PREX1: variants seen among roughly 807,000 people sequenced by gnomAD.
PREX1 encodes phosphatidylinositol-3,4,5-trisphosphate dependent Rac exchange factor 1.
A neutral mutation model predicts 198.3 loss-of-function variants in PREX1; 41 were observed. That is an observed-to-expected ratio of 0.21 (90% CI 0.16 to 0.27). The LOEUF is 0.27. Among genes scored for constraint, PREX1 ranks in the 10% least tolerant of loss-of-function variants. The pLI, the probability that PREX1 is intolerant of heterozygous loss-of-function variation, is 1.00. For synonymous variants in PREX1, 843 were observed against 887.2 expected, an observed-to-expected ratio of 0.95 and a Z score of 0.89; for missense variants, 1,620 against 2,200.7, an observed-to-expected ratio of 0.74 and a Z score of 5.28.
intron 1 of PREX1, among the ~76,000 whole-genome samples, chr20:48,783,256 AG>A (rs1169201745): frequency 1.3e-5 from 2 of 152,178 alleles, no homozygotes; most frequent in Admixed American, 1.3e-4. Flanking sequence ...GAGGCTTGGA[AG>A]GCAGAACAAT....
chr20:48,676,177 C>A lies in PREX1; in HGVS notation c.1665+16G>T, dbSNP rs1307661228. 1 of 1,611,080 alleles carries A rather than the reference C, an allele frequency of 6.2e-7. No homozygotes were observed. The highest frequency in any genetic ancestry group is 2.2e-5 in the East Asian group (1 of 44,866). ...AAAGCAGAACACTGGTCACACACCC[C>A]TGAGGAGGCCCTCACCTGAGCCAGC... On this transcript the variant is annotated intron_variant, in intron 14 of 39. Transcript: ENST00000371941.
intron 1 of PREX1, among the ~76,000 whole-genome samples, chr20:48,787,145 G>A (rs575802113): frequency 1.3e-5 from 2 of 152,262 alleles, no homozygotes; most frequent in Middle Eastern, 6.8e-3. Context: ...TCCTCACCAT[G>A]GTGACGGGCG....
intron 11 of PREX1, among the ~76,000 whole-genome samples, chr20:48,680,454 A>C (rs532369162): frequency 7.9e-5 from 12 of 152,228 alleles, no homozygotes; most frequent in African/African-American, 2.9e-4. Flanking sequence ...ACTCAGAGTA[A>C]AAGCCAAAGA....
In PREX1 at chr20:48,625,692, A is replaced by G; in HGVS notation, c.*193T>C. On this transcript the variant is annotated 3_prime_UTR_variant, in exon 40 of 40. Transcript: ENST00000371941. ...GTGAAGAATGGGCCGGCCCAGGGCCAATCAGCCAGCTCGTCATCACAGCGA... is the reference window on the plus strand; with the variant it reads ...GTGAAGAATGGGCCGGCCCAGGGCCGATCAGCCAGCTCGTCATCACAGCGA... 1 of 664,798 alleles carries G rather than the reference A, an allele frequency of 1.5e-6. No homozygotes were observed. The highest frequency in any genetic ancestry group is 2.4e-6 in the Non-Finnish European group (1 of 411,164). 41.2% of individuals were successfully genotyped at this position (664,798 alleles called of 1,614,324 possible). A position where few individuals can be genotyped will look rare whatever the true frequency, so the allele number is the denominator to read the frequency against.
chr20:48,636,218 T>A lies in PREX1; in HGVS notation c.4167+245A>T, dbSNP rs191707174. ...CTGGTCTGTAGCATGGATTCTGTTA[T>A]CTGTGTGTGTGTGCCTCCCTCCCTC... On this transcript the variant is annotated intron_variant, in intron 32 of 39. Transcript: ENST00000371941. Among the ~76,000 whole-genome samples, 517 of 152,354 alleles carry A rather than the reference T, an allele frequency of 3.4e-3. 3 individuals are homozygous for A. Among genetic ancestry groups the A allele is most frequent in the African/African-American group, 0.012 (484 of 41,582 alleles).
intron 1 of PREX1, among the ~76,000 whole-genome samples, chr20:48,771,885 G>A (rs2090237702): frequency 6.6e-6 from 1 of 152,102 alleles, no homozygotes; most frequent in African/African-American, 2.4e-5. Flanking sequence ...ACTTGCATTT[G>A]ATTTTCCTCT....
intron 7 of PREX1, among the ~76,000 whole-genome samples, chr20:48,696,596 TAC>T (rs201455888): frequency 1.9e-4 from 26 of 140,046 alleles, no homozygotes; most frequent in African/African-American, 6.0e-4. Context: ...GCTGATCATT[TAC>T]ACACACACAC....
At chr20:48,721,902 A>G (rs2089988065) in intron 5 of PREX1, among the ~76,000 whole-genome samples, 1 of 151,972 alleles carries the variant, frequency 6.6e-6, no homozygotes, top group Non-Finnish European at 1.5e-5. Flanking sequence ...CACCAAATGT[A>G]ATCCCAAGGT....
chr20:48,867,719 G>A, the PREX1 span, among the ~76,000 whole-genome samples: 13 of 151,140 alleles, frequency 8.6e-5, no homozygotes, highest in South Asian at 2.1e-4. Context: ...CACTTGAACC[G>A]GGGAGGTGGA....
rs559002273 is a variant in PREX1, at chr20:48,772,125, C to T, written c.220-24245G>A. On this transcript the variant is annotated intron_variant, in intron 1 of 39. Coordinates refer to ENST00000371941, the MANE Select transcript of PREX1 (RefSeq NM_020820.4). ...AAGAGAATCGCTCGAACCTGGGAGG[C>T]GGAGGTTGCTGTGAGCTGAGATCGA... 6.6e-5 allele frequency among the ~76,000 whole-genome samples: 10 copies of T among 152,174 alleles called. 1 individual carries two copies. The South Asian group carries it at 1.7e-3, about 25-fold the overall frequency.
intron 5 of PREX1, among the ~76,000 whole-genome samples, chr20:48,717,076 C>T (rs1356843516): frequency 1.3e-5 from 2 of 152,174 alleles, no homozygotes; most frequent in Admixed American, 1.3e-4. Flanking sequence ...TTTTCAGTCA[C>T]TGGCAAGCGA....
In PREX1 at chr20:48,684,265, T is replaced by C. The variant is rs73911631; in HGVS notation, c.1335-2930A>G. 2.3e-3 allele frequency among the ~76,000 whole-genome samples: 352 copies of C among 152,226 alleles called. 3 individuals are homozygous for C. Among genetic ancestry groups the C allele is most frequent in the African/African-American group, 8.2e-3 (340 of 41,532 alleles). On this transcript the variant is annotated intron_variant, in intron 10 of 39. Transcript: ENST00000371941. The surrounding 1 kb of genome is among the most constrained non-coding windows in gnomAD (Gnocchi z 4.2). ...CCTGAGCTCAGGCCCAAGGTACCAC[T>C]TATGACCCAACACAAGAATCCCTTG... is the stretch of plus-strand genomic sequence containing the variant.
the PREX1 span, among the ~76,000 whole-genome samples, chr20:48,875,037 G>T: frequency 0.043 from 6,620 of 152,230 alleles, 219 homozygotes; most frequent in African/African-American, 0.089. Context: ...GGAGGACACA[G>T]GTCTTAGCCA....
the PREX1 span, among the ~76,000 whole-genome samples, chr20:48,852,705 T>A: frequency 2.0e-5 from 3 of 152,202 alleles, no homozygotes; most frequent in Non-Finnish European, 4.4e-5. Flanking sequence ...CAGTGATGTA[T>A]GTACAAGATG....
chr20:48,671,834 G>A (rs2089677294), intron 14 of PREX1, among the ~76,000 whole-genome samples: 1 of 152,206 alleles, frequency 6.6e-6, no homozygotes, highest in Non-Finnish European at 1.5e-5. Flanking sequence ...TCATCCTCCT[G>A]CGTCAGCTCC....
intron 5 of PREX1, among the ~76,000 whole-genome samples, chr20:48,721,277 G>A (rs375638806): frequency 5.3e-5 from 8 of 152,152 alleles, no homozygotes; most frequent in South Asian, 2.1e-4. Flanking sequence ...GACACCAAGC[G>A]TCCCAGGACA....
chr20:48,670,299 T>TCTTCCCCTGCCC (rs2089666947), intron 14 of PREX1, among the ~76,000 whole-genome samples: 1 of 145,056 alleles, frequency 6.9e-6, no homozygotes, highest in Non-Finnish European at 1.5e-5. Flanking sequence ...CCAACCCCTC[T>TCTTCCCCTGCCC]CTGCCCCTGC....
chr20:48,827,790 G>T lies in PREX1; in HGVS notation c.71C>A (p.Ala24Asp), dbSNP rs2090516648. The T allele has an allele frequency of 2.7e-6, 3 of 1,115,490 alleles. No individual in the cohort carries two copies. Among genetic ancestry groups the T allele is most frequent in the South Asian group, 8.6e-5 (2 of 23,238 alleles). 69.1% of individuals were successfully genotyped at this position (1,115,490 alleles called of 1,614,324 possible). The change falls in exon 1 of 40, where the codon GCC (alanine) becomes GAC (aspartate). Residue 24 changes from alanine (A) to aspartate (D), a missense_variant. Ala to Asp is a moderately radical substitution (Grantham distance 126). Around this residue, in one of 7 missense-constraint regions of PREX1, gnomAD observed 96 missense variants for 98.7 expected, o/e 0.97. Transcript: ENST00000371941. The surrounding 1 kb of genome is among the most constrained non-coding windows in gnomAD (Gnocchi z 4.1). ...GGAGCTGGGCGCCGCGGCGCCAGGG[G>T]CCCGGGGGTCCGGGTGGGCGCAGTC... ...AGDCAHPDPR[A>D]PGAAAPSSGP... is the part of the protein sequence containing the mutation.
intron 1 of PREX1, among the ~76,000 whole-genome samples, chr20:48,778,486 A>T (rs1377662963): frequency 6.6e-6 from 1 of 151,912 alleles, no homozygotes; most frequent in East Asian, 1.9e-4. Flanking sequence ...GCTACTCCAG[A>T]GGCTGAGGTG....
Sources: allele counts gnomAD v4.1 joint callset (sites outside exome capture counted in the v4.1 genomes callset), GRCh38; gene constraint gnomAD v4.1.1; regional missense constraint gnomAD v4.1.1; non-coding constraint Gnocchi (gnomAD v3.1); transcripts MANE v1.5; gene names NCBI Gene and HGNC (gene_info 2026-07-23, HGNC 2026-07-21).